Variants in PAH observed in about 807,000 individuals in gnomAD.
PAH encodes phenylalanine hydroxylase, also known as phenylalanine-4-hydroxylase.
A neutral mutation model predicts 62.0 loss-of-function variants in PAH; 64 were observed. That is an observed-to-expected ratio of 1.03 (90% confidence interval 0.84 to 1.27). The LOEUF (loss-of-function observed/expected upper bound fraction) is 1.27. Ranked by LOEUF, PAH falls within the 50% of genes most tolerant of loss-of-function variation. The probability of loss-of-function intolerance (pLI) is 0.00; values close to 1 mark genes in which losing one functional copy is unlikely to be tolerated. For missense variants in PAH, 579 were observed against 542.8 expected (o/e 1.07, Z -0.66); for synonymous variants, 195 against 196.2 (o/e 0.99, Z 0.05).
At position 102,871,936 on chromosome 12, in the gene PAH, AAAAAAAAAAAAAAATATATATATATATAT is replaced by A. The variant is rs1375302945; in HGVS notation, c.442-5302_442-5274del. Among the ~76,000 whole-genome samples the A allele has an allele frequency of 1.1e-4, 10 of 90,330 alleles. No individual in the cohort carries two copies. In the East Asian group the frequency reaches 2.1e-3, roughly 19 times the overall value. The allele number at this position is 90,330 out of a possible 152,430, so 59.3% of individuals were successfully genotyped here. On this transcript the variant is annotated intron_variant, in intron 4 of 12. Coordinates refer to ENST00000553106, the MANE Select transcript of PAH (RefSeq NM_000277.3). ...AAACTCTGCCTCAAAAAAAAAAAAAAAAAAAAAAAAAAAATATATATATATATATATATATATATATATATATATTTGCA... is the reference window on the plus strand; with the variant it reads ...AAACTCTGCCTCAAAAAAAAAAAAAAATATATATATATATATATATTTGCA...
intron 4 of PAH, among the ~76,000 whole-genome samples, chr12:102,875,902 A>G (rs1405056291): frequency 1.3e-5 from 2 of 150,310 alleles, no homozygotes; most frequent in Non-Finnish European, 2.9e-5. Flanking sequence ...ACACACACAC[A>G]TATTTGTGTG....
chr12:102,922,269 C>T (rs138957582), intron 1 of PAH, among the ~76,000 whole-genome samples: 1,528 of 150,032 alleles, frequency 0.01, 16 homozygotes, highest in Middle Eastern at 0.027. Flanking sequence ...TCTCAGCTCA[C>T]TGCAACCTCC....
chr12:102,934,223 C>T (rs1336971585), intron 1 of PAH, among the ~76,000 whole-genome samples: 3 of 151,962 alleles, frequency 2.0e-5, no homozygotes, highest in Non-Finnish European at 4.4e-5. Context: ...TGGTTAAAAA[C>T]GAGTTCACTG....
At chr12:102,881,374 T>G in intron 3 of PAH, among the ~76,000 whole-genome samples, 2 of 152,048 alleles carry the variant, frequency 1.3e-5, no homozygotes, top group South Asian at 4.1e-4. Flanking sequence ...TACAATGTAA[T>G]TATTTAATAA....
At chr12:102,841,941 C>A (rs1024847922) in intron 11 of PAH, among the ~76,000 whole-genome samples, 5 of 152,200 alleles carry the variant, frequency 3.3e-5, no homozygotes, top group African/African-American at 1.2e-4. Context: ...GAATTGGTTT[C>A]TCTTGGCTGA....
intron 1 of PAH, among the ~76,000 whole-genome samples, chr12:102,925,008 A>G (rs1447419181): frequency 6.6e-6 from 1 of 152,204 alleles, no homozygotes; most frequent in Non-Finnish European, 1.5e-5. Flanking sequence ...CCTGTGGCAT[A>G]TACAGCTAGG....
chr12:102,875,557 T>C (rs1257988867), intron 4 of PAH, among the ~76,000 whole-genome samples: 1 of 152,160 alleles, frequency 6.6e-6, no homozygotes, highest in African/African-American at 2.4e-5. Flanking sequence ...CAGAGATCTG[T>C]TGAACGGGTA....
chr12:102,871,935 AAAAAAAAAAAAAAAATATATATAT>A (rs1408007548), intron 4 of PAH, among the ~76,000 whole-genome samples: 4,954 of 84,686 alleles, frequency 0.058, 91 homozygotes, highest in Non-Finnish European at 0.073. Flanking sequence ...AAAAAAAAAA[AAAAAAAAAAAAAAAATATATATAT>A]ATATATATAT....
chr12:102,938,130 A>C (rs912197981), intron 1 of PAH, among the ~76,000 whole-genome samples: 1 of 152,244 alleles, frequency 6.6e-6, no homozygotes, highest in Non-Finnish European at 1.5e-5. Flanking sequence ...AGCAACAGTG[A>C]ACCACAGAGA....
chr12:102,912,198 G>T (rs1445692704), intron 2 of PAH, among the ~76,000 whole-genome samples: 2 of 152,062 alleles, frequency 1.3e-5, no homozygotes, highest in African/African-American at 2.4e-5. Flanking sequence ...AAAATAATAT[G>T]CCCGAATTTC....
At chr12:102,839,806 G>A (rs1427582767) in intron 12 of PAH, among the ~76,000 whole-genome samples, 2 of 152,162 alleles carry the variant, frequency 1.3e-5, no homozygotes, top group Non-Finnish European at 2.9e-5. Flanking sequence ...TCACATACCA[G>A]GTAAATGAGA....
At chr12:102,939,860 C>T (rs1056611505) in intron 1 of PAH, among the ~76,000 whole-genome samples, 2 of 152,168 alleles carry the variant, frequency 1.3e-5, no homozygotes, top group African/African-American at 4.8e-5. Flanking sequence ...CAAGCTTGCC[C>T]CAGGGCTGCA....
chr12:102,892,462 T>C (rs1592977406), intron 3 of PAH, among the ~76,000 whole-genome samples: 1 of 152,222 alleles, frequency 6.6e-6, no homozygotes. Context: ...TGAAAACTTA[T>C]CTTCACACAA....
chr12:102,954,460 G>C (rs1296717359), upstream of PAH, among the ~76,000 whole-genome samples: 1 of 152,110 alleles, frequency 6.6e-6, no homozygotes, highest in East Asian at 1.9e-4. Flanking sequence ...TTTAGACCTG[G>C]GCTAGAGTGC....
chr12:102,904,456 A>C (rs1877889740), intron 2 of PAH, among the ~76,000 whole-genome samples: 1 of 152,206 alleles, frequency 6.6e-6, no homozygotes, highest in South Asian at 2.1e-4. Flanking sequence ...GTGAGATTAC[A>C]TTGAACAGGT....
Position 102,912,356 on chromosome 12 carries a change from G to A in PAH, c.168+435C>T, listed in dbSNP as rs568828361. On this transcript the variant is annotated intron_variant, in intron 2 of 12. Coordinates refer to ENST00000553106, the MANE Select transcript of PAH (RefSeq NM_000277.3). The stretch of plus-strand genomic sequence containing the variant: ...GCATATTATTTTACACTTATACATA[G>A]AAGACAATCAATATTAATTTAGTGA... 5.3e-5 allele frequency among the ~76,000 whole-genome samples: 8 copies of A among 152,164 alleles called. No individual in the cohort carries two copies. In the South Asian group the frequency reaches 1.5e-3, roughly 28 times the overall value.
At chr12:102,927,846 T>C (rs1878729403) in intron 1 of PAH, among the ~76,000 whole-genome samples, 1 of 151,882 alleles carries the variant, frequency 6.6e-6, no homozygotes, top group Admixed American at 6.6e-5. Flanking sequence ...AAAGAGGCAG[T>C]GTTTTGTTTA....
chr12:102,954,807 G>C (rs933077109), upstream of PAH, among the ~76,000 whole-genome samples: 8 of 152,194 alleles, frequency 5.3e-5, no homozygotes, highest in Non-Finnish European at 1.2e-4. Flanking sequence ...TCTCTTGGTA[G>C]AATCCCCAAG....
chr12:102,956,891 G>A (rs1028236600), intron 1 of PAH, among the ~76,000 whole-genome samples: 2 of 152,108 alleles, frequency 1.3e-5, no homozygotes, highest in African/African-American at 4.8e-5. Flanking sequence ...AGTTTTTAGA[G>A]CTGAATGGGA....
Sources: gnomAD v4.1 joint callset for allele counts (sites outside exome capture counted in the v4.1 genomes callset) on GRCh38, gnomAD v4.1.1 for gene constraint, MANE v1.5 for transcripts, NCBI Gene and HGNC (gene_info 2026-07-23, HGNC 2026-07-21) for gene names.